Variants in TSHZ1 observed in about 807,000 individuals in gnomAD.
The protein encoded by TSHZ1 is teashirt zinc finger homeobox 1.
A neutral mutation model predicts 67.1 loss-of-function variants in TSHZ1; 12 were observed. The observed-to-expected ratio is 0.18, with a 90% CI of 0.11 to 0.29. TSHZ1 has a LOEUF of 0.29. TSHZ1 is among the 10% of genes least tolerant of loss of function. The pLI is 1.00. For missense variants in TSHZ1, 1,305 were observed against 1,413.9 expected, an observed-to-expected ratio of 0.92 and a Z score of 1.23; for synonymous variants, 632 against 622.4, an observed-to-expected ratio of 1.02 and a Z score of -0.23.
intron 1 of TSHZ1, among the ~76,000 whole-genome samples, chr18:75,273,574 A>G (rs991599178): frequency 1.3e-5 from 2 of 152,232 alleles, no homozygotes; most frequent in South Asian, 2.1e-4. Context: ...TGTGCCTCAT[A>G]TAATTACAAT....
At chr18:75,215,733 T>G (rs1177550823) in intron 1 of TSHZ1, among the ~76,000 whole-genome samples, 1 of 152,234 alleles carries the variant, frequency 6.6e-6, no homozygotes, top group Non-Finnish European at 1.5e-5. Flanking sequence ...ACAGGAAATA[T>G]TCTGTGAAAA....
chr18:75,255,452 C>G (rs1205830272), intron 1 of TSHZ1, among the ~76,000 whole-genome samples: 5 of 152,276 alleles, frequency 3.3e-5, no homozygotes, highest in African/African-American at 9.6e-5. Flanking sequence ...CAGGTAATAA[C>G]TTATATCTTC....
chr18:75,277,766 G>T (rs896403028), intron 1 of TSHZ1, among the ~76,000 whole-genome samples: 1 of 152,140 alleles, frequency 6.6e-6, no homozygotes, highest in African/African-American at 2.4e-5. Flanking sequence ...ATTCGAGGGC[G>T]GGGATACAAA....
chr18:75,222,554 A>C (rs1030668928), intron 1 of TSHZ1, among the ~76,000 whole-genome samples: 1 of 152,068 alleles, frequency 6.6e-6, no homozygotes, highest in Non-Finnish European at 1.5e-5. Context: ...CCGGGGCTTG[A>C]GCACTCCAGG....
At chr18:75,219,885 C>G (rs926856513) in intron 1 of TSHZ1, among the ~76,000 whole-genome samples, 5 of 152,222 alleles carry the variant, frequency 3.3e-5, no homozygotes, top group Non-Finnish European at 5.9e-5. Context: ...AGGACTTGTT[C>G]TCATACCTGT....
intron 1 of TSHZ1, among the ~76,000 whole-genome samples, chr18:75,229,781 A>G (rs1034527645): frequency 6.6e-6 from 1 of 152,226 alleles, no homozygotes; most frequent in African/African-American, 2.4e-5. Context: ...TTTGGAAGCT[A>G]CCTTCCATGT....
Position 75,285,670 on chromosome 18 carries a change from T to G in TSHZ1, c.263T>G (p.Phe88Cys). ...FSESSDQLAH[F>C]KGSSSREEKE... ...GAGAGCAGCGACCAGCTAGCCCATT[T>G]CAAAGGCTCTTCCTCTCGAGAAGAG... The change falls in exon 2 of 2, where the codon TTC becomes TGC. Residue 88 changes from phenylalanine to cysteine, a missense_variant. Coordinates refer to ENST00000580243, the MANE Select transcript of TSHZ1 (RefSeq NM_001308210.2). 1 of 1,614,002 alleles carries G rather than the reference T, an allele frequency of 6.2e-7. No individual in the cohort carries two copies. Among genetic ancestry groups the G allele is most frequent in the Non-Finnish European group, 8.5e-7 (1 of 1,179,992 alleles).
intron 1 of TSHZ1, among the ~76,000 whole-genome samples, chr18:75,220,865 T>C (rs1239441153): frequency 1.3e-5 from 2 of 152,256 alleles, no homozygotes; most frequent in African/African-American, 4.8e-5. Flanking sequence ...GGGATTTGTC[T>C]TGTGTTTTTA....
Position 75,288,757 on chromosome 18 carries a change from C to T in TSHZ1, c.*116C>T. 6.8e-7 allele frequency: 1 copy of T among 1,470,016 alleles called. No homozygotes were observed. The highest frequency in any genetic ancestry group is 2.4e-5 in the East Asian group (1 of 42,158). The allele number at this position is 1,470,016 out of a possible 1,614,324, so 91.1% of individuals were successfully genotyped here. On this transcript the variant is annotated 3_prime_UTR_variant, in exon 2 of 2. Transcript: ENST00000580243. The surrounding 1 kb of genome is among the most constrained non-coding windows in gnomAD (Gnocchi z 4.9). The stretch of plus-strand genomic sequence containing the variant: ...TTTGTTGCTGGCCCGCCTCTCTGGA[C>T]CTTGGTTTTCTTACACATATTTTGT...
intron 1 of TSHZ1, chr18:75,244,668 C>T (rs1242866584): frequency 6.6e-6 from 1 of 152,210 alleles, no homozygotes; most frequent in Non-Finnish European, 1.5e-5. Flanking sequence ...TTGAGTCCGT[C>T]CTTGCTTTTT....
chr18:75,263,565 G>A (rs1008486622), intron 1 of TSHZ1, among the ~76,000 whole-genome samples: 7 of 152,104 alleles, frequency 4.6e-5, no homozygotes, highest in Non-Finnish European at 1.5e-5. Context: ...TTTAGTGATG[G>A]TGCCAAGAGA....
In TSHZ1 at chr18:75,267,115, C is replaced by T. The variant is rs1055858920; in HGVS notation, c.41-18333C>T. On this transcript the variant is annotated intron_variant, in intron 1 of 1. Transcript: ENST00000580243. ...TTCAATGGACACAAATTGCATGGCT[C>T]TATTTTTTCTTAAAATGAATATACA... is the stretch of plus-strand genomic sequence containing the variant. Among the ~76,000 whole-genome samples, 4 of 152,272 alleles carry T rather than the reference C, an allele frequency of 2.6e-5. No individual in the cohort carries two copies. In the South Asian group the frequency reaches 8.3e-4, roughly 32 times the overall value.
At chr18:75,235,639 G>A (rs2023057829) in intron 1 of TSHZ1, among the ~76,000 whole-genome samples, 1 of 152,180 alleles carries the variant, frequency 6.6e-6, no homozygotes, top group Non-Finnish European at 1.5e-5. Context: ...TGTAGCAGGA[G>A]TATTTTGAAG....
chr18:75,211,391 C>A lies in TSHZ1; in HGVS notation c.-486C>A, dbSNP rs7230825. 65,098 of 151,540 alleles carry A rather than the reference C, an allele frequency of 0.43. 14,154 individuals are homozygous for A. The highest frequency in any genetic ancestry group is 0.47 in the East Asian group (2,378 of 5,050). The allele number at this position is 151,540 out of a possible 1,614,324, so 9.4% of individuals were successfully genotyped here. A position where few individuals can be genotyped will look rare whatever the true frequency, so the allele number is the denominator to read the frequency against. ...CACTAAAAACACTCGCCGCGACCCC[C>A]AAACAGCGAGGAGAGAGGGGGAGAG... On this transcript the variant is annotated 5_prime_UTR_variant, in exon 1 of 2. Coordinates refer to ENST00000580243, the MANE Select transcript of TSHZ1 (RefSeq NM_001308210.2).
chr18:75,234,988 T>G (rs1414398947), intron 1 of TSHZ1, among the ~76,000 whole-genome samples: 1 of 152,178 alleles, frequency 6.6e-6, no homozygotes, highest in African/African-American at 2.4e-5. Flanking sequence ...TAATAATCAT[T>G]AGTTTTTCTT....
intron 1 of TSHZ1, among the ~76,000 whole-genome samples, chr18:75,215,748 T>TTTGGATTGTTTGGAAAACA (rs2022758105): frequency 1.3e-5 from 2 of 152,240 alleles, no homozygotes; most frequent in African/African-American, 2.4e-5. Context: ...TGAAAACATG[T>TTTGGATTGTTTGGAAAACA]AGTGTCTGGA....
Position 75,227,022 on chromosome 18 carries a change from G to A in TSHZ1, c.40+15106G>A, listed in dbSNP as rs114612553. On this transcript the variant is annotated intron_variant, in intron 1 of 1. Transcript: ENST00000580243. ...AACACACAAGCCCCCGGCTCTGTAG[G>A]GACACCCCATGGAGTCCCGGCTTTC... 5.8e-3 allele frequency among the ~76,000 whole-genome samples: 879 copies of A among 152,250 alleles called. 10 individuals carry two copies. The highest frequency in any genetic ancestry group is 0.021 in the African/African-American group (856 of 41,528).
At chr18:75,224,766 G>A (rs1229183849) in intron 1 of TSHZ1, among the ~76,000 whole-genome samples, 1 of 152,176 alleles carries the variant, frequency 6.6e-6, no homozygotes, top group Non-Finnish European at 1.5e-5. Flanking sequence ...GGAGGGGTGC[G>A]GCGGGCATTG....
At chr18:75,274,344 G>T (rs987367184) in intron 1 of TSHZ1, among the ~76,000 whole-genome samples, 2 of 152,158 alleles carry the variant, frequency 1.3e-5, no homozygotes, top group South Asian at 4.1e-4. Flanking sequence ...TGAGGTGGAG[G>T]TGGGGTGATG....
Sources: allele counts gnomAD v4.1 joint callset (sites outside exome capture counted in the v4.1 genomes callset), GRCh38; gene constraint gnomAD v4.1.1; non-coding constraint Gnocchi (gnomAD v3.1); transcripts MANE v1.5; gene names NCBI Gene and HGNC (gene_info 2026-07-23, HGNC 2026-07-21).